KCNMB2: variants seen among roughly 807,000 people sequenced by gnomAD.
KCNMB2 encodes calcium-activated potassium channel subunit beta-2.
Under a neutral mutation model 24.5 loss-of-function variants are expected in KCNMB2, and 9 were observed. The observed-to-expected ratio is 0.37, with a 90% CI of 0.22 to 0.64. The LOEUF (loss-of-function observed/expected upper bound fraction) is 0.64. Ranked by LOEUF, KCNMB2 falls within the 30% of genes least tolerant of loss-of-function variation. The pLI is 0.63. For synonymous variants in KCNMB2, 109 were observed against 104.4 expected (o/e 1.04, Z -0.27); for missense variants, 226 against 284.3 (o/e 0.79, Z 1.47).
At chr3:178,785,781 CATGTTAGGT>C (rs573343480) in intron 1 of KCNMB2, among the ~76,000 whole-genome samples, 4 of 151,980 alleles carry the variant, frequency 2.6e-5, no homozygotes, top group Non-Finnish European at 4.4e-5. Context: ...AAAACATTGG[CATGTTAGGT>C]ATATTAGGAT....
intron 1 of KCNMB2, among the ~76,000 whole-genome samples, chr3:178,640,387 G>T (rs921128585): frequency 6.6e-6 from 1 of 152,160 alleles, no homozygotes; most frequent in African/African-American, 2.4e-5. Flanking sequence ...AGAGCAAAGG[G>T]TGAAGTGCTA....
chr3:178,694,234 C>T (rs1024483457), intron 1 of KCNMB2, among the ~76,000 whole-genome samples: 7 of 152,146 alleles, frequency 4.6e-5, no homozygotes, highest in African/African-American at 1.7e-4. Flanking sequence ...ATCACAAGAA[C>T]AGAATGGGGG....
chr3:178,557,405 A>G (rs1253338564), intron 1 of KCNMB2, among the ~76,000 whole-genome samples: 1 of 152,100 alleles, frequency 6.6e-6, no homozygotes, highest in Non-Finnish European at 1.5e-5. Context: ...CTTTGAAAGG[A>G]CTCCTGATGA....
intron 1 of KCNMB2, among the ~76,000 whole-genome samples, chr3:178,609,350 A>G (rs939322806): frequency 1.3e-5 from 2 of 151,934 alleles, no homozygotes; most frequent in African/African-American, 4.8e-5. Flanking sequence ...ATTTTTTCCT[A>G]TAGAGTCGTT....
intron 1 of KCNMB2, among the ~76,000 whole-genome samples, chr3:178,755,044 T>C (rs1204683795): frequency 6.6e-6 from 1 of 152,202 alleles, no homozygotes; most frequent in East Asian, 1.9e-4. Context: ...AGGCACACAT[T>C]AGGCTCCCCT....
chr3:178,599,601 G>T (rs1455940157), intron 1 of KCNMB2, among the ~76,000 whole-genome samples: 2 of 151,976 alleles, frequency 1.3e-5, no homozygotes, highest in Non-Finnish European at 2.9e-5. Flanking sequence ...TTAAAAAAGT[G>T]GTAATATACA....
At chr3:178,747,144 G>A (rs1241153885) in intron 1 of KCNMB2, 1 of 152,632 alleles carries the variant, frequency 6.6e-6, no homozygotes, top group Non-Finnish European at 1.5e-5. Context: ...AGGTTTAATG[G>A]GCTTACAGTT....
intron 1 of KCNMB2, among the ~76,000 whole-genome samples, chr3:178,586,648 G>A (rs1027948471): frequency 7.1e-6 from 1 of 141,406 alleles, no homozygotes. Flanking sequence ...GGGTTCAAGT[G>A]ATTCTCCTGC....
At chr3:178,767,698 C>A (rs1712179213) in intron 1 of KCNMB2, among the ~76,000 whole-genome samples, 1 of 152,194 alleles carries the variant, frequency 6.6e-6, no homozygotes. Context: ...TCTACAACCC[C>A]TGTGAGTGGG....
chr3:178,746,107 TCTG>T (rs540639943), intron 1 of KCNMB2, among the ~76,000 whole-genome samples: 19 of 152,320 alleles, frequency 1.2e-4, no homozygotes, highest in Middle Eastern at 3.4e-3. Flanking sequence ...ACATTTCCCT[TCTG>T]CATTGCCCTA....
chr3:178,690,762 C>T (rs941257193), intron 1 of KCNMB2, among the ~76,000 whole-genome samples: 4 of 152,120 alleles, frequency 2.6e-5, no homozygotes, highest in South Asian at 2.1e-4. Flanking sequence ...GGATAGTTCA[C>T]TCATGGAAGA....
At chr3:178,565,666 A>C (rs1396130183) in intron 1 of KCNMB2, among the ~76,000 whole-genome samples, 1 of 152,234 alleles carries the variant, frequency 6.6e-6, no homozygotes. Context: ...AGACATGGCT[A>C]GGTACACATA....
At chr3:178,778,751 A>G (rs1231995373) in intron 1 of KCNMB2, among the ~76,000 whole-genome samples, 1 of 151,904 alleles carries the variant, frequency 6.6e-6, no homozygotes, top group African/African-American at 2.4e-5. Flanking sequence ...TAGCACCAAC[A>G]CCCTCCAACC....
intron 1 of KCNMB2, among the ~76,000 whole-genome samples, chr3:178,715,106 G>A (rs993722175): frequency 1.3e-5 from 2 of 152,184 alleles, no homozygotes; most frequent in African/African-American, 4.8e-5. Flanking sequence ...GAGAGAAAGA[G>A]AGAGTTTGGG....
At chr3:178,648,728 G>A (rs879093105) in intron 1 of KCNMB2, among the ~76,000 whole-genome samples, 5 of 152,118 alleles carry the variant, frequency 3.3e-5, no homozygotes, top group Admixed American at 1.3e-4. Flanking sequence ...CCTTGCTGCC[G>A]TAACAAATAA....
intron 1 of KCNMB2, among the ~76,000 whole-genome samples, chr3:178,789,628 T>C (rs1055514773): frequency 6.6e-6 from 1 of 152,134 alleles, no homozygotes. Flanking sequence ...GGACTTTGCA[T>C]TGAAATTCAC....
chr3:178,613,995 T>G (rs528515573), intron 1 of KCNMB2, among the ~76,000 whole-genome samples: 10 of 151,478 alleles, frequency 6.6e-5, no homozygotes, highest in Non-Finnish European at 1.5e-4. Flanking sequence ...CATTTCTATG[T>G]TTTTCTTTTT....
chr3:178,618,578 G>A (rs1718798039), intron 1 of KCNMB2, among the ~76,000 whole-genome samples: 1 of 152,194 alleles, frequency 6.6e-6, no homozygotes, highest in South Asian at 2.1e-4. Context: ...AAAGTGAGAA[G>A]AGAGGAGGTA....
At position 178,666,511 on chromosome 3, in the gene KCNMB2, G is replaced by A. The variant is rs563814246; in HGVS notation, c.-68+129800G>A. On this transcript the variant is annotated intron_variant, in intron 1 of 4. Transcript: ENST00000452583. ...GGAAGGGTGTACAATGAAAGGCCTC[G>A]ATCCTTGATTCTGCGTGGTGTTTTC... Among the ~76,000 whole-genome samples, 82 of 152,220 alleles carry A rather than the reference G, an allele frequency of 5.4e-4. 1 individual carries two copies. The highest frequency in any genetic ancestry group is 1.9e-3 in the African/African-American group (77 of 41,534).
Sources: gnomAD v4.1 joint callset for allele counts (sites outside exome capture counted in the v4.1 genomes callset) on GRCh38, gnomAD v4.1.1 for gene constraint, MANE v1.5 for transcripts, NCBI Gene and HGNC (gene_info 2026-07-23, HGNC 2026-07-21) for gene names.